TECR: variants seen among roughly 807,000 people sequenced by gnomAD.
The protein encoded by TECR is trans-2,3-enoyl-CoA reductase, also known as very-long-chain enoyl-CoA reductase.
TECR carries 19 observed loss-of-function variants against 50.6 expected under a neutral mutation model. The observed-to-expected ratio is 0.38, with a 90% confidence interval of 0.26 to 0.55. The LOEUF is 0.55. Ranked by LOEUF, TECR falls within the 20% of genes least tolerant of loss-of-function variation. The pLI is 0.79. For missense variants in TECR, 313 were observed against 408.3 expected (o/e 0.77, Z 2.01); for synonymous variants, 168 against 163.5 (o/e 1.03, Z -0.21).
At chr19:14,549,203 T>C (rs917275112) in intron 1 of TECR, among the ~76,000 whole-genome samples, 2 of 149,878 alleles carry the variant, frequency 1.3e-5, no homozygotes. Flanking sequence ...CCACAACCTT[T>C]AATTGGACTT....
chr19:14,534,703 C>T (rs892351944), intron 1 of TECR, among the ~76,000 whole-genome samples: 4 of 152,124 alleles, frequency 2.6e-5, no homozygotes, highest in Admixed American at 2.6e-4. Flanking sequence ...TCCCAAAGTG[C>T]TGGGATTATA....
At chr19:14,547,421 C>A (rs1009349383) in intron 1 of TECR, among the ~76,000 whole-genome samples, 9 of 151,870 alleles carry the variant, frequency 5.9e-5, no homozygotes, top group Non-Finnish European at 8.8e-5. Context: ...AGTGCAGTGG[C>A]ATGAACTCTG....
In TECR at chr19:14,565,659, CCCAGGTGAG is replaced by C. The variant is rs1191313621; in HGVS notation, c.798_799+7del. ...GTTTCGCCATCATGACGCAGTGTCT[CCCAGGTGAG>C]CCTGCCGCCCTCCCTCGGCGGGGCC... On this transcript the variant is annotated splice_donor_variant and splice_donor_5th_base_variant and coding_sequence_variant and intron_variant, in exon 12 of 13. Transcript: ENST00000215567. LOFTEE classifies it high-confidence loss of function. 6.2e-7 allele frequency: 1 copy of C among 1,612,494 alleles called. No homozygotes were observed. The highest frequency in any genetic ancestry group is 8.5e-7 in the Non-Finnish European group (1 of 1,179,774).
intron 1 of TECR, chr19:14,530,252 TCA>T (rs1387381154): frequency 5.9e-6 from 1 of 168,688 alleles, no homozygotes; most frequent in Non-Finnish European, 1.3e-5. Flanking sequence ...TTTCTGGTTA[TCA>T]AAGAGGTCAT....
intron 1 of TECR, among the ~76,000 whole-genome samples, chr19:14,544,349 T>C (rs2073229575): frequency 6.6e-6 from 1 of 152,068 alleles, no homozygotes; most frequent in Non-Finnish European, 1.5e-5. Context: ...TGGATACTTG[T>C]GGAACGAGTA....
intron 1 of TECR, among the ~76,000 whole-genome samples, chr19:14,547,145 A>G (rs1367375641): frequency 6.6e-6 from 1 of 152,164 alleles, no homozygotes; most frequent in African/African-American, 2.4e-5. Context: ...GCTTATTCAT[A>G]GCCTCTTATT....
At position 14,565,110 on chromosome 19, in the gene TECR, C is replaced by T; in HGVS notation, c.651C>T (p.Asp217=). The T allele has an allele frequency of 3.7e-6, 6 of 1,613,826 alleles. No homozygotes were observed. Among genetic ancestry groups the T allele is most frequent in the Non-Finnish European group, 5.1e-6 (6 of 1,180,032 alleles). ...TCTCCATCCACATGGCCCTGCGGGA[C>T]CTGCGGCCCGCTGGTGAGTGCCTGC... The part of the protein sequence containing the change: ...GNFSIHMALR[D]LRPAGSKTRK... The change falls in exon 10 of 13, where the codon GAC becomes GAT. Residue 217 remains aspartate, a synonymous_variant. Transcript: ENST00000215567.
chr19:14,533,178 T>C (rs1245621986), intron 1 of TECR, among the ~76,000 whole-genome samples: 1 of 151,974 alleles, frequency 6.6e-6, no homozygotes, highest in African/African-American at 2.4e-5. Flanking sequence ...CCCAGCACTT[T>C]GGGACACCAA....
chr19:14,545,858 G>A (rs1282541212), intron 1 of TECR: 1 of 152,844 alleles, frequency 6.5e-6, no homozygotes, highest in African/African-American at 2.4e-5. Context: ...CTGTCCCCGA[G>A]GAGCATCGGA....
intron 1 of TECR, chr19:14,545,269 T>G: frequency 2.2e-6 from 1 of 452,818 alleles, no homozygotes; most frequent in Non-Finnish European, 4.4e-6. Flanking sequence ...CCTCCGGGTG[T>G]CACCCGCTTC....
chr19:14,563,284 C>G lies in TECR; in HGVS notation c.118+27C>G. 6.3e-7 allele frequency: 1 copy of G among 1,587,668 alleles called. No homozygotes were observed. The highest frequency in any genetic ancestry group is 1.1e-5 in the South Asian group (1 of 90,560). On this transcript the variant is annotated intron_variant, in intron 3 of 12. Transcript: ENST00000215567. The surrounding 1 kb of genome is among the most constrained non-coding windows in gnomAD (Gnocchi z 5.3). ...TGAGTTCTAGTCCCGGCCACACTGCCCCTGCAACCCCTTTGACCAGGGACC... is the reference window on the plus strand; with the variant it reads ...TGAGTTCTAGTCCCGGCCACACTGCGCCTGCAACCCCTTTGACCAGGGACC...
Position 14,565,078 on chromosome 19 carries a change from G to A in TECR, c.619G>A (p.Gly207Ser). 1 of 1,613,872 alleles carries A rather than the reference G, an allele frequency of 6.2e-7. No homozygotes were observed. Among genetic ancestry groups the A allele is most frequent in the South Asian group, 1.1e-5 (1 of 91,076 alleles). Reference protein sequence around the residue: ...ALAIFVICQLGNFSIHMALRD... With the variant: ...ALAIFVICQLSNFSIHMALRD... Reference sequence around the variant, plus strand: ...GCTTCTCTGACAGATCTGCCAGCTCGGCAACTTCTCCATCCACATGGCCCT... The same window carrying A: ...GCTTCTCTGACAGATCTGCCAGCTCAGCAACTTCTCCATCCACATGGCCCT... The change falls in exon 10 of 13, where the codon GGC becomes AGC. Residue 207 changes from glycine to serine, a missense_variant. Coordinates refer to ENST00000215567, the MANE Select transcript of TECR (RefSeq NM_138501.6).
At chr19:14,528,787 T>A (rs2146539548), upstream of TECR, among the ~76,000 whole-genome samples, 1 of 151,716 alleles carries the variant, frequency 6.6e-6, no homozygotes, top group Admixed American at 6.6e-5. Flanking sequence ...CTAAAAAAAA[T>A]ACAAAAATTA....
intron 11 of TECR, 75 bp from the exon 12 acceptor site, chr19:14,565,543 G>A: frequency 6.4e-7 from 1 of 1,558,408 alleles, no homozygotes; most frequent in Non-Finnish European, 8.7e-7. Context: ...GGCGGGAGGT[G>A]GCTGGCTGAG....
chr19:14,541,922 A>G (rs2073108850), intron 1 of TECR, among the ~76,000 whole-genome samples: 1 of 151,588 alleles, frequency 6.6e-6, no homozygotes, highest in East Asian at 1.9e-4. Flanking sequence ...GGCTGGGATT[A>G]CCAGCTAACG....
At chr19:14,565,471 G>A (rs2074050904) in intron 11 of TECR, 147 bp from the exon 12 acceptor site, 3 of 1,389,140 alleles carry the variant, frequency 2.2e-6, no homozygotes, top group Non-Finnish European at 3.0e-6. Flanking sequence ...CTGGGCTTCC[G>A]CCGTATACAG....
chr19:14,534,661 T>G (rs1050257283), intron 1 of TECR, among the ~76,000 whole-genome samples: 2 of 152,106 alleles, frequency 1.3e-5, no homozygotes, highest in African/African-American at 4.8e-5. Context: ...GGTCTCGAAC[T>G]CCTGGGCTCA....
chr19:14,532,126 A>G (rs1056966302), intron 1 of TECR: 2 of 152,102 alleles, frequency 1.3e-5, no homozygotes, highest in African/African-American at 4.8e-5. Context: ...CAGTCAGATA[A>G]AGTAGGCCTC....
At chr19:14,551,791 C>T (rs543668849) in intron 1 of TECR, among the ~76,000 whole-genome samples, 4 of 152,108 alleles carry the variant, frequency 2.6e-5, no homozygotes, top group South Asian at 2.1e-4. Context: ...GCTGGAGGAT[C>T]GCATCCAGGG....
Sources: allele counts gnomAD v4.1 joint callset (sites outside exome capture counted in the v4.1 genomes callset), GRCh38; gene constraint gnomAD v4.1.1; non-coding constraint Gnocchi (gnomAD v3.1); transcripts MANE v1.5; gene names NCBI Gene and HGNC (gene_info 2026-07-23, HGNC 2026-07-21).